Variants in MAX observed in about 807,000 individuals in gnomAD.
The protein encoded by MAX is protein max.
MAX carries 3 observed loss-of-function variants against 22.3 expected under a neutral mutation model. The observed-to-expected ratio is 0.13, with a 90% confidence interval of 0.06 to 0.35. MAX has a LOEUF of 0.35. Among genes scored for constraint, MAX ranks in the 10% least tolerant of loss-of-function variants. The probability of loss-of-function intolerance (pLI) is 1.00; values close to 1 mark genes in which losing one functional copy is unlikely to be tolerated. For missense variants in MAX, 119 were observed against 209.4 expected (o/e 0.57, Z 2.66); for synonymous variants, 72 against 77.7 (o/e 0.93, Z 0.39).
At position 65,027,644 on chromosome 14, in the gene MAX, G is replaced by A. The variant is rs533020225; in HGVS notation, c.172-21360C>T. The A allele has an allele frequency of 3.5e-5, 57 of 1,614,006 alleles. No homozygotes were observed. In the South Asian group the frequency reaches 5.3e-4, roughly 15 times the overall value. ...TGACAGAAACCTAGAGGAGTTCCCCGCCTGCTGACACGCACTGACTGTTGC... is the reference window on the plus strand; with the variant it reads ...TGACAGAAACCTAGAGGAGTTCCCCACCTGCTGACACGCACTGACTGTTGC... On this transcript the variant is annotated intron_variant, in intron 3 of 3. Transcript: ENST00000341653. This position sits in a 1 kb window ranked among gnomAD's most constrained non-coding sequence, Gnocchi z 5.7.
intron 2 of MAX, chr14:65,094,118 C>T (rs2063591764): frequency 2.6e-6 from 1 of 389,534 alleles, no homozygotes; most frequent in Non-Finnish European, 4.9e-6. Context: ...TCAGTGGTCC[C>T]CCCCAACTTG....
chr14:65,061,442 TTTC>T lies in MAX; in HGVS notation c.171+32263_171+32265del, dbSNP rs1182243693. On this transcript the variant is annotated intron_variant, in intron 3 of 3. Transcript: ENST00000341653. ...AGTGGAGCTGTGGTTCTCTTGGTAC[TTTC>T]TTGTCAAACAAAACCAATGGCTCTG... 9 of 1,410,792 alleles carry T rather than the reference TTTC, an allele frequency of 6.4e-6. 1 individual carries two copies. The allele number at this position is 1,410,792 out of a possible 1,614,324, so 87.4% of individuals were successfully genotyped here. A position where few individuals can be genotyped will look rare whatever the true frequency, so the allele number is the denominator to read the frequency against.
chr14:65,017,870 G>C (rs1442462998), intron 3 of MAX, among the ~76,000 whole-genome samples: 1 of 152,064 alleles, frequency 6.6e-6, no homozygotes, highest in Non-Finnish European at 1.5e-5. Context: ...CAGGAGAATC[G>C]CTTGAACCTA....
At chr14:65,040,870 C>T (rs200853756) in intron 3 of MAX, 109 of 1,613,806 alleles carry the variant, frequency 6.8e-5, no homozygotes, top group Non-Finnish European at 8.9e-5. Context: ...GGCCTGGCCG[C>T]GCTGGTAATC....
At chr14:65,073,475 C>T (rs1316798927), downstream of MAX, among the ~76,000 whole-genome samples, 1 of 152,124 alleles carries the variant, frequency 6.6e-6, no homozygotes, top group African/African-American at 2.4e-5. Flanking sequence ...ATTTTAAATA[C>T]CCTTGCACTT....
chr14:65,066,335 C>T (rs1317122875), intron 3 of MAX, among the ~76,000 whole-genome samples: 1 of 152,206 alleles, frequency 6.6e-6, no homozygotes, highest in African/African-American at 2.4e-5. Flanking sequence ...CAGGTTCCTG[C>T]ACATCCTCAC....
chr14:65,084,326 A>G lies in MAX; in HGVS notation c.172-6290T>C. 2 of 1,298,396 alleles carry G rather than the reference A, an allele frequency of 1.5e-6. No individual in the cohort carries two copies. Among genetic ancestry groups the G allele is most frequent in the Non-Finnish European group, 2.2e-6 (2 of 892,478 alleles). The allele number at this position is 1,298,396 out of a possible 1,614,324, so 80.4% of individuals were successfully genotyped here. ...TAGTAAATAAACATGTGGAAAAGCA[A>G]TTAATTTCACAAGTAATAAATAGAA... On this transcript the variant is annotated intron_variant, in intron 3 of 4. Coordinates refer to ENST00000358664, the MANE Select transcript of MAX (RefSeq NM_002382.5). The surrounding 1 kb of genome is among the most constrained non-coding windows in gnomAD (Gnocchi z 4.3).
rs915945773 is a variant in MAX at position 65,102,242 on chromosome 14, G to A, written c.36+62C>T. 4.4e-6 allele frequency: 7 copies of A among 1,606,288 alleles called. No individual in the cohort carries two copies. In the African/African-American group the frequency reaches 5.4e-5, roughly 12 times the overall value. On this transcript the variant is annotated intron_variant, in intron 1 of 4. Transcript: ENST00000358664. ...CCCCCTCCCGCCGTCGCCCCGCTAAGAGCCCCGGCCGCTGTCCCCGCCTGA... is the reference window on the plus strand; with the variant it reads ...CCCCCTCCCGCCGTCGCCCCGCTAAAAGCCCCGGCCGCTGTCCCCGCCTGA...
In MAX at chr14:65,045,180, T is replaced by C. The variant is rs187346784; in HGVS notation, c.172-38896A>G. Among the ~76,000 whole-genome samples, 264 of 152,216 alleles carry C rather than the reference T, an allele frequency of 1.7e-3. 2 individuals carry two copies. Among genetic ancestry groups the C allele is most frequent in the African/African-American group, 6.1e-3 (255 of 41,550 alleles). On this transcript the variant is annotated intron_variant, in intron 3 of 3. Coordinates refer to the MAX transcript ENST00000341653. ...TGCCTGCTAACTCCTGCACCATCTT[T>C]CTGGTGTACTTGATGTGAGAGCAGG...
intron 3 of MAX, among the ~76,000 whole-genome samples, chr14:65,018,386 G>T (rs1190071757): frequency 6.6e-6 from 1 of 152,160 alleles, no homozygotes; most frequent in South Asian, 2.1e-4. Context: ...TATATAGAGA[G>T]ATGTGAAATG....
intron 2 of MAX, among the ~76,000 whole-genome samples, chr14:65,097,838 G>T (rs2063713638): frequency 6.6e-6 from 1 of 152,154 alleles, no homozygotes; most frequent in Admixed American, 6.5e-5. Context: ...GGTAGGATGG[G>T]ATAAACTCAC....
rs148623550 is a variant in MAX at position 65,037,882 on chromosome 14, C to T, written c.172-31598G>A. ...GCAACCTCTTTCTCCCAGGTTCAAGCGATTCTCCTGCCTCAGCCTCCCAAG... is the reference window on the plus strand; with the variant it reads ...GCAACCTCTTTCTCCCAGGTTCAAGTGATTCTCCTGCCTCAGCCTCCCAAG... On this transcript the variant is annotated intron_variant, in intron 3 of 3. Transcript: ENST00000341653. Among the ~76,000 whole-genome samples, 1,073 of 151,308 alleles carry T rather than the reference C, an allele frequency of 7.1e-3. 14 individuals carry two copies. The highest frequency in any genetic ancestry group is 0.025 in the African/African-American group (1,011 of 41,234).
At chr14:65,101,798 C>G in intron 1 of MAX, 1 of 590,002 alleles carries the variant, frequency 1.7e-6, no homozygotes, top group Non-Finnish European at 3.0e-6. Flanking sequence ...CGGGATCCGA[C>G]CTGGGCCAGA....
At chr14:65,035,972 C>T (rs980486345) in intron 3 of MAX, among the ~76,000 whole-genome samples, 10 of 151,910 alleles carry the variant, frequency 6.6e-5, no homozygotes, top group Non-Finnish European at 1.2e-4. Flanking sequence ...GCAGAGACCA[C>T]AGGTGTGCAC....
In MAX at chr14:65,079,455, C is replaced by G. The variant is rs1230890095; in HGVS notation, c.172-1419G>C. Among the ~76,000 whole-genome samples, 1 of 152,240 alleles carries G rather than the reference C, an allele frequency of 6.6e-6. No homozygotes were observed. On this transcript the variant is annotated intron_variant, in intron 3 of 4. Coordinates refer to ENST00000358664, the MANE Select transcript of MAX (RefSeq NM_002382.5). The surrounding 1 kb of genome is among the most constrained non-coding windows in gnomAD (Gnocchi z 4.5). ...AGACATCAAACTTGTCTGGGAGATT[C>G]TCTCCAGGCTACAAACATAGTCAGA...
At chr14:65,083,025 C>T (rs1489362216) in intron 3 of MAX, among the ~76,000 whole-genome samples, 1 of 152,172 alleles carries the variant, frequency 6.6e-6, no homozygotes, top group Admixed American at 6.5e-5. Context: ...CTCTTGGCAG[C>T]CCAGAAGGAT....
chr14:65,074,573 C>T (rs1302624696), downstream of MAX, among the ~76,000 whole-genome samples: 2 of 152,260 alleles, frequency 1.3e-5, no homozygotes, highest in Non-Finnish European at 2.9e-5. Context: ...AAAACCAACA[C>T]TGAGCTGCGT....
chr14:65,016,159 C>A (rs1253046541), intron 3 of MAX, among the ~76,000 whole-genome samples: 1 of 152,168 alleles, frequency 6.6e-6, no homozygotes, highest in Non-Finnish European at 1.5e-5. Flanking sequence ...TTGGAGCGAC[C>A]ATGTAGCTCT....
chr14:65,076,071 CG>C lies in MAX; in HGVS notation c.*404del, dbSNP rs1310411969. 1.8e-5 allele frequency: 22 copies of C among 1,220,792 alleles called. No individual in the cohort carries two copies. In the East Asian group the frequency reaches 7.8e-4, roughly 43 times the overall value. The allele number at this position is 1,220,792 out of a possible 1,614,324, so 75.6% of individuals were successfully genotyped here. Reference sequence around the variant, plus strand: ...TCACAAAGTCTATCAGAGGTGAGGGCGGGCCAGGAGGCCACCTGGGCAGGGC... The same window carrying C: ...TCACAAAGTCTATCAGAGGTGAGGGCGGCCAGGAGGCCACCTGGGCAGGGC... On this transcript the variant is annotated 3_prime_UTR_variant, in exon 5 of 5. Transcript: ENST00000358664. The surrounding 1 kb of genome is among the most constrained non-coding windows in gnomAD (Gnocchi z 6.6).
Sources: allele counts gnomAD v4.1 joint callset (sites outside exome capture counted in the v4.1 genomes callset), GRCh38; gene constraint gnomAD v4.1.1; non-coding constraint Gnocchi (gnomAD v3.1); transcripts MANE v1.5; gene names NCBI Gene and HGNC (gene_info 2026-07-23, HGNC 2026-07-21).